AKT3: variants seen among roughly 807,000 people sequenced by gnomAD.
AKT3 encodes the protein RAC-gamma serine/threonine-protein kinase.
Under a neutral mutation model 65.3 loss-of-function variants are expected in AKT3, and 15 were observed. That is an observed-to-expected ratio of 0.23 (90% CI 0.15 to 0.35). The LOEUF (loss-of-function observed/expected upper bound fraction) is 0.35. AKT3 is among the 10% of genes least tolerant of loss of function. The pLI, the probability that AKT3 is intolerant of heterozygous loss-of-function variation, is 1.00. For synonymous variants in AKT3, 206 were observed against 183.8 expected, an observed-to-expected ratio of 1.12 and a Z score of -0.98; for missense variants, 243 against 576.5, an observed-to-expected ratio of 0.42 and a Z score of 5.92.
chr1:243,768,160 T>C (rs551396170), intron 2 of AKT3, among the ~76,000 whole-genome samples: 2 of 150,416 alleles, frequency 1.3e-5, no homozygotes, highest in East Asian at 1.9e-4. Context: ...TACATACATA[T>C]ATATAATATA....
chr1:243,621,017 T>A (rs1678706878), intron 6 of AKT3, among the ~76,000 whole-genome samples: 1 of 152,168 alleles, frequency 6.6e-6, no homozygotes, highest in Admixed American at 6.6e-5. Context: ...AAAACTCAGC[T>A]GAATCTTCTG....
At position 243,645,945 on chromosome 1, in the gene AKT3, T is replaced by C; in HGVS notation, c.377A>G (p.Asp126Gly). 3 of 1,612,838 alleles carry C rather than the reference T, an allele frequency of 1.9e-6. No individual in the cohort carries two copies. The highest frequency in any genetic ancestry group is 2.5e-6 in the Non-Finnish European group (3 of 1,179,000). ...RMNCSPTSQI[D>G]NIGEEEMDAS... is the part of the protein sequence containing the mutation. ...ATCCATCTCTTCCTCTCCTATATTA[T>C]CAATTTGTGAAGTTGGACTACAATT... is the stretch of plus-strand genomic sequence containing the variant. The change falls in exon 5 of 14, where the codon GAT (aspartate) becomes GGT (glycine). Residue 126 changes from aspartate (D) to glycine (G), a missense_variant. By Grantham distance (94) the Asp-to-Gly change is moderately conservative. Around this residue, in one of 6 missense-constraint regions of AKT3, gnomAD observed 72 missense variants for 86.0 expected, o/e 0.84. Coordinates refer to ENST00000673466, the MANE Select transcript of AKT3 (RefSeq NM_005465.7).
intron 3 of AKT3, among the ~76,000 whole-genome samples, chr1:243,693,371 GA>G (rs1684851080): frequency 6.9e-6 from 1 of 145,750 alleles, no homozygotes; most frequent in Non-Finnish European, 1.5e-5. Flanking sequence ...TAGGGCAAAG[GA>G]AAAAGCAATG....
At position 243,827,318 on chromosome 1, in the gene AKT3, A is replaced by G. The variant is rs527718385; in HGVS notation, c.46+15807T>C. ...CCTCATTCTCCATTCCACTTCTCATAAACAGCCACTTTTAATATTTTTGGC... is the reference window on the plus strand; with the variant it reads ...CCTCATTCTCCATTCCACTTCTCATGAACAGCCACTTTTAATATTTTTGGC... On this transcript the variant is annotated intron_variant, in intron 2 of 13. Coordinates refer to ENST00000673466, the MANE Select transcript of AKT3 (RefSeq NM_005465.7). 3.3e-5 allele frequency among the ~76,000 whole-genome samples: 5 copies of G among 152,266 alleles called. No individual in the cohort carries two copies. In the East Asian group the frequency reaches 9.7e-4, roughly 29 times the overall value.
At chr1:243,802,057 T>C (rs925047814) in intron 2 of AKT3, among the ~76,000 whole-genome samples, 2 of 152,204 alleles carry the variant, frequency 1.3e-5, no homozygotes, top group African/African-American at 4.8e-5. Flanking sequence ...CATTATTTCC[T>C]TTGGTTTTCA....
At chr1:243,641,643 T>C (rs1287146321) in intron 5 of AKT3, among the ~76,000 whole-genome samples, 1 of 152,066 alleles carries the variant, frequency 6.6e-6, no homozygotes, top group South Asian at 2.1e-4. Context: ...AGAATTGCAA[T>C]CCTTATTCTT....
intron 5 of AKT3, 79 bp downstream of exon 5, chr1:243,645,814 C>T: frequency 7.3e-7 from 1 of 1,376,444 alleles, no homozygotes; most frequent in Non-Finnish European, 9.7e-7. Context: ...TGGCTGACAT[C>T]TTTCTGCAAA....
chr1:243,558,856 T>TA (rs1673583747), intron 10 of AKT3, among the ~76,000 whole-genome samples: 1 of 152,080 alleles, frequency 6.6e-6, no homozygotes, highest in African/African-American at 2.4e-5. Flanking sequence ...GGACTGGGCA[T>TA]AATAAAAGTG....
intron 2 of AKT3, among the ~76,000 whole-genome samples, chr1:243,754,356 T>C (rs1016819344): frequency 1.3e-5 from 2 of 152,236 alleles, no homozygotes; most frequent in African/African-American, 4.8e-5. Flanking sequence ...TATCTGCATT[T>C]GATTTTACTG....
At chr1:243,586,242 A>C (rs1675791652) in intron 8 of AKT3, among the ~76,000 whole-genome samples, 1 of 152,188 alleles carries the variant, frequency 6.6e-6, no homozygotes, top group South Asian at 2.1e-4. Context: ...TAATAGTACA[A>C]TAACATGTTG....
intron 2 of AKT3, among the ~76,000 whole-genome samples, chr1:243,772,271 A>G (rs1196334708): frequency 6.6e-6 from 1 of 152,126 alleles, no homozygotes; most frequent in Admixed American, 6.5e-5. Flanking sequence ...AATGGGAGAA[A>G]ATTTTTGCAA....
intron 3 of AKT3, among the ~76,000 whole-genome samples, chr1:243,668,358 A>T (rs953342604): frequency 6.6e-6 from 1 of 152,210 alleles, no homozygotes; most frequent in African/African-American, 2.4e-5. Flanking sequence ...AATAAAATAA[A>T]AGAGAAGATA....
At chr1:243,700,127 A>C (rs933943697) in intron 2 of AKT3, among the ~76,000 whole-genome samples, 1 of 152,176 alleles carries the variant, frequency 6.6e-6, no homozygotes, top group Non-Finnish European at 1.5e-5. Context: ...GCTCCTAAAC[A>C]CTATGACCAA....
intron 5 of AKT3, among the ~76,000 whole-genome samples, chr1:243,641,284 A>ACG (rs1301301181): frequency 2.0e-5 from 3 of 150,266 alleles, no homozygotes; most frequent in South Asian, 2.1e-4. Flanking sequence ...ACACACACAC[A>ACG]CACACGCACA....
In AKT3 at chr1:243,553,059, C is replaced by T. The variant is rs75164185; in HGVS notation, c.949-116G>A. On this transcript the variant is annotated intron_variant, in intron 10 of 13. Coordinates refer to ENST00000673466, the MANE Select transcript of AKT3 (RefSeq NM_005465.7). ...TCTTAACTTTCAAAGCCTAGGTAGT[C>T]TGAGATCTTGACATTTAAACTGTGA... is the stretch of plus-strand genomic sequence containing the variant. 492 of 775,286 alleles carry T rather than the reference C, an allele frequency of 6.3e-4. No individual in the cohort carries two copies. The East Asian group carries it at 0.014, about 22-fold the overall frequency. The allele number at this position is 775,286 out of a possible 1,614,324, so 48.0% of individuals were successfully genotyped here. A position where few individuals can be genotyped will look rare whatever the true frequency, so the allele number is the denominator to read the frequency against.
At chr1:243,652,771 C>CCAA (rs761535967) in intron 4 of AKT3, among the ~76,000 whole-genome samples, 6 of 31,286 alleles carry the variant, frequency 1.9e-4, no homozygotes, top group African/African-American at 7.7e-4. Flanking sequence ...AAATAGAAAG[C>CCAA]AAAAAAAAAA....
intron 3 of AKT3, among the ~76,000 whole-genome samples, chr1:243,686,647 A>ATT (rs1684328368): frequency 4.3e-5 from 1 of 23,200 alleles, no homozygotes. Flanking sequence ...ATATATATAT[A>ATT]TATATTTTTT....
At chr1:243,648,184 G>A (rs1213649603) in intron 4 of AKT3, among the ~76,000 whole-genome samples, 2 of 151,454 alleles carry the variant, frequency 1.3e-5, no homozygotes, top group African/African-American at 4.9e-5. Flanking sequence ...CTTGAACCCA[G>A]GAAATGGAGG....
intron 4 of AKT3, among the ~76,000 whole-genome samples, chr1:243,652,770 G>GAAAAAAAAAAAA (rs1558686553): frequency 9.4e-4 from 3 of 3,196 alleles, no homozygotes; most frequent in East Asian, 6.4e-3. Context: ...CAAATAGAAA[G>GAAAAAAAAAAAA]CAAAAAAAAA....
Sources: gnomAD v4.1 joint callset for allele counts (sites outside exome capture counted in the v4.1 genomes callset) on GRCh38, gnomAD v4.1.1 for gene constraint, gnomAD v4.1.1 regional missense constraint, MANE v1.5 for transcripts, NCBI Gene and HGNC (gene_info 2026-07-23, HGNC 2026-07-21) for gene names.